Variants in GALNT10 observed in about 807,000 individuals in gnomAD.
The protein encoded by GALNT10 is GalNAc transferase 10.
In GALNT10, 41 loss-of-function variants were observed where a neutral mutation model predicts 75.0. The ratio of observed to expected loss-of-function variants is 0.55; its 90% confidence interval spans 0.43 to 0.71. The LOEUF (loss-of-function observed/expected upper bound fraction) is 0.71, where lower values mean the gene tolerates loss of function less well. GALNT10 is among the 30% of genes least tolerant of loss of function. The pLI is 0.00. For missense variants in GALNT10, 727 were observed against 818.5 expected (o/e 0.89, Z 1.36); for synonymous variants, 302 against 313.0 (o/e 0.96, Z 0.37).
chr5:154,298,516 A>G lies in GALNT10; in HGVS notation c.401+437A>G, dbSNP rs974247258. On this transcript the variant is annotated intron_variant, in intron 3 of 11. Coordinates refer to ENST00000297107, the MANE Select transcript of GALNT10 (RefSeq NM_198321.4). The surrounding 1 kb of genome is among the most constrained non-coding windows in gnomAD (Gnocchi z 4.1). ...ATATCAGAATGATTATAAAGATGACAACAATGGCATCTAACATTCTTTGAA... is the reference window on the plus strand; with the variant it reads ...ATATCAGAATGATTATAAAGATGACGACAATGGCATCTAACATTCTTTGAA... Among the ~76,000 whole-genome samples, 2 of 152,264 alleles carry G rather than the reference A, an allele frequency of 1.3e-5. No individual in the cohort carries two copies. Among genetic ancestry groups the G allele is most frequent in the East Asian group, 3.8e-4 (2 of 5,204 alleles).
chr5:154,235,346 C>T (rs558812676), intron 1 of GALNT10, among the ~76,000 whole-genome samples: 2 of 152,326 alleles, frequency 1.3e-5, no homozygotes, highest in South Asian at 4.1e-4. Context: ...ACCATGATTA[C>T]AGCAGCACAG....
chr5:154,405,228 C>G (rs996917265), intron 8 of GALNT10, among the ~76,000 whole-genome samples: 1 of 152,164 alleles, frequency 6.6e-6, no homozygotes, highest in African/African-American at 2.4e-5. Flanking sequence ...AGAATTGCAG[C>G]CCCCGGGACC....
intron 4 of GALNT10, among the ~76,000 whole-genome samples, chr5:154,365,976 C>T (rs1459985475): frequency 6.6e-6 from 1 of 152,166 alleles, no homozygotes; most frequent in African/African-American, 2.4e-5. Flanking sequence ...CCATGCTTGC[C>T]ACTGCACTGA....
chr5:154,304,467 C>T (rs1251157541), intron 3 of GALNT10, among the ~76,000 whole-genome samples: 3 of 152,068 alleles, frequency 2.0e-5, no homozygotes, highest in Admixed American at 1.3e-4. Context: ...GTAGCAACAT[C>T]TTTAAAGTAC....
intron 1 of GALNT10, among the ~76,000 whole-genome samples, chr5:154,278,659 C>T (rs1404823881): frequency 6.6e-6 from 1 of 152,022 alleles, no homozygotes; most frequent in African/African-American, 2.4e-5. Flanking sequence ...CTATCTATAC[C>T]CAATTTTTTA....
In GALNT10 at chr5:154,417,193, G is replaced by C; in HGVS notation, c.*221G>C. On this transcript the variant is annotated 3_prime_UTR_variant, in exon 12 of 12. Transcript: ENST00000297107. Reference sequence around the variant, plus strand: ...AGCATATCCCACAAGAGGCCCCACAGGGAGCAGAGACTGCTTTAATCCCTG... The same window carrying C: ...AGCATATCCCACAAGAGGCCCCACACGGAGCAGAGACTGCTTTAATCCCTG... The C allele has an allele frequency of 1.8e-6, 1 of 557,664 alleles. No homozygotes were observed. The highest frequency in any genetic ancestry group is 3.2e-6 in the Non-Finnish European group (1 of 311,428). 34.5% of individuals were successfully genotyped at this position (557,664 alleles called of 1,614,324 possible). A position where few individuals can be genotyped will look rare whatever the true frequency, so the allele number is the denominator to read the frequency against.
intron 1 of GALNT10, among the ~76,000 whole-genome samples, chr5:154,222,678 C>T (rs1485273519): frequency 6.6e-6 from 1 of 152,166 alleles, no homozygotes; most frequent in Admixed American, 6.5e-5. Context: ...GAAGTGACAT[C>T]TTAATGTCTC....
chr5:154,279,056 T>C (rs1278689449), intron 1 of GALNT10, among the ~76,000 whole-genome samples: 3 of 152,196 alleles, frequency 2.0e-5, no homozygotes, highest in Admixed American at 1.3e-4. Context: ...TTCTTTTAGA[T>C]ACATACCTAA....
At chr5:154,267,426 C>T (rs1245154561) in intron 1 of GALNT10, among the ~76,000 whole-genome samples, 1 of 152,154 alleles carries the variant, frequency 6.6e-6, no homozygotes, top group Non-Finnish European at 1.5e-5. Context: ...TTGTCCCTGC[C>T]CAGCAGGATG....
chr5:154,326,595 A>G (rs1320480880), intron 3 of GALNT10, among the ~76,000 whole-genome samples: 1 of 152,250 alleles, frequency 6.6e-6, no homozygotes, highest in Non-Finnish European at 1.5e-5. Flanking sequence ...GATGCATGCT[A>G]CAACATAGAT....
chr5:154,196,412 T>C (rs1030314278), intron 1 of GALNT10, among the ~76,000 whole-genome samples: 1 of 152,150 alleles, frequency 6.6e-6, no homozygotes, highest in Non-Finnish European at 1.5e-5. Context: ...AATTGAGCCA[T>C]GTGGGCTGAA....
chr5:154,230,041 G>A (rs1201241736), intron 1 of GALNT10, among the ~76,000 whole-genome samples: 1 of 124,302 alleles, frequency 8.0e-6, no homozygotes, highest in Admixed American at 1.0e-4. Context: ...CAGTCCAGTG[G>A]GAAAAAGGCA....
chr5:154,272,453 T>A (rs891001532), intron 1 of GALNT10, among the ~76,000 whole-genome samples: 5 of 136,432 alleles, frequency 3.7e-5, no homozygotes, highest in Non-Finnish European at 7.8e-5. Flanking sequence ...AGGCTATGGA[T>A]AACAGGGAGG....
chr5:154,417,161 G>A lies in GALNT10; in HGVS notation c.*189G>A. 1 of 593,796 alleles carries A rather than the reference G, an allele frequency of 1.7e-6. No homozygotes were observed. The allele number at this position is 593,796 out of a possible 1,614,324, so 36.8% of individuals were successfully genotyped here. On this transcript the variant is annotated 3_prime_UTR_variant, in exon 12 of 12. Coordinates refer to ENST00000297107, the MANE Select transcript of GALNT10 (RefSeq NM_198321.4). ...TTGAGCCCCTGAGTTGTGGGGGTAGGGTGAAGAGCATATCCCACAAGAGGC... is the reference window on the plus strand; with the variant it reads ...TTGAGCCCCTGAGTTGTGGGGGTAGAGTGAAGAGCATATCCCACAAGAGGC...
intron 1 of GALNT10, among the ~76,000 whole-genome samples, chr5:154,247,083 T>C (rs1753439017): frequency 6.6e-6 from 1 of 152,228 alleles, no homozygotes; most frequent in Non-Finnish European, 1.5e-5. Context: ...TCCCCATTTC[T>C]TGTTTTTGTC....
At chr5:154,295,912 C>G (rs1196027780) in intron 2 of GALNT10, among the ~76,000 whole-genome samples, 1 of 152,138 alleles carries the variant, frequency 6.6e-6, no homozygotes, top group African/African-American at 2.4e-5. Flanking sequence ...TCATTTTTAT[C>G]TCCATTAAAG....
intron 7 of GALNT10, among the ~76,000 whole-genome samples, chr5:154,395,953 G>C (rs368824570): frequency 7.9e-5 from 12 of 152,308 alleles, no homozygotes; most frequent in East Asian, 5.8e-4. Flanking sequence ...AGGTGCTTCC[G>C]ATGAGGCCCA....
chr5:154,402,195 C>T lies in GALNT10; in HGVS notation c.1057-1909C>T, dbSNP rs758262032. The stretch of plus-strand genomic sequence containing the variant: ...CTTGTTCTGCCCCGTGAGGGCCCTG[C>T]GGGAGCCCTGCCCGCGTCTCTGGCC... On this transcript the variant is annotated intron_variant, in intron 7 of 11. Coordinates refer to ENST00000297107, the MANE Select transcript of GALNT10 (RefSeq NM_198321.4). The surrounding 1 kb of genome is among the most constrained non-coding windows in gnomAD (Gnocchi z 4.2). 4.6e-5 allele frequency among the ~76,000 whole-genome samples: 7 copies of T among 152,156 alleles called. No homozygotes were observed. Among genetic ancestry groups the T allele is most frequent in the African/African-American group, 7.2e-5 (3 of 41,444 alleles).
rs1200407540 is a variant in GALNT10, at chr5:154,417,963, CCT to C, written c.*994_*995del. 6.6e-6 allele frequency: 1 copy of C among 152,216 alleles called. No homozygotes were observed. Among genetic ancestry groups the C allele is most frequent in the East Asian group, 1.9e-4 (1 of 5,200 alleles). The allele number at this position is 152,216 out of a possible 1,614,324, so 9.4% of individuals were successfully genotyped here. A position where few individuals can be genotyped will look rare whatever the true frequency, so the allele number is the denominator to read the frequency against. On this transcript the variant is annotated 3_prime_UTR_variant, in exon 12 of 12. Transcript: ENST00000297107. ...GGATCAACTGTGGGCAAAGTGCCTG[CCT>C]CTGACCTCATCATGGTTCTAGTTCT...
Sources: gnomAD v4.1 joint callset for allele counts (sites outside exome capture counted in the v4.1 genomes callset) on GRCh38, gnomAD v4.1.1 for gene constraint, Gnocchi (gnomAD v3.1) non-coding constraint, MANE v1.5 for transcripts, NCBI Gene and HGNC (gene_info 2026-07-23, HGNC 2026-07-21) for gene names.